The following TEK variants were observed in gnomAD, a reference collection of about 807,000 sequenced individuals.
TEK encodes the protein angiopoietin-1 receptor.
TEK carries 43 observed loss-of-function variants against 131.8 expected under a neutral mutation model. The observed-to-expected ratio is 0.33, with a 90% CI of 0.26 to 0.42. The LOEUF (loss-of-function observed/expected upper bound fraction) is 0.42. Among genes scored for constraint, TEK ranks in the 10% least tolerant of loss-of-function variants. TEK has a pLI of 1.00. For missense variants in TEK, 1,162 were observed against 1,384.4 expected (o/e 0.84, Z 2.55); for synonymous variants, 580 against 491.6 (o/e 1.18, Z -2.38).
intron 1 of TEK, among the ~76,000 whole-genome samples, chr9:27,130,563 A>G (rs1473165888): frequency 6.6e-6 from 1 of 152,100 alleles, no homozygotes; most frequent in Non-Finnish European, 1.5e-5. Context: ...AAGAATAATA[A>G]AAGGCAAAGA....
chr9:27,179,946 G>C (rs1459967294), intron 6 of TEK, among the ~76,000 whole-genome samples: 1 of 152,110 alleles, frequency 6.6e-6, no homozygotes, highest in East Asian at 1.9e-4. Flanking sequence ...TTCCCCTCCA[G>C]AATCTTCCAG....
intron 14 of TEK, 120 bp downstream of exon 14, chr9:27,205,185 T>A: frequency 1.6e-6 from 2 of 1,267,438 alleles, no homozygotes; most frequent in Non-Finnish European, 2.2e-6. Context: ...TAGGCAAGCC[T>A]CATCTTCTCT....
At chr9:27,228,664 C>T (rs1826433665) in intron 22 of TEK, among the ~76,000 whole-genome samples, 1 of 152,126 alleles carries the variant, frequency 6.6e-6, no homozygotes, top group Non-Finnish European at 1.5e-5. Context: ...CAGAGCCTGA[C>T]CTGCAGGTTA....
intron 4 of TEK, among the ~76,000 whole-genome samples, chr9:27,171,210 A>C (rs550621398): frequency 6.6e-6 from 1 of 152,210 alleles, no homozygotes; most frequent in Non-Finnish European, 1.5e-5. Flanking sequence ...AATAGAAAGA[A>C]AATGATTTGC....
intron 21 of TEK, among the ~76,000 whole-genome samples, chr9:27,220,788 A>G (rs1826033310): frequency 6.6e-6 from 1 of 152,200 alleles, no homozygotes; most frequent in South Asian, 2.1e-4. Context: ...CAACCTGCAG[A>G]CCAGGAGATT....
At chr9:27,206,398 C>A (rs548823339) in intron 14 of TEK, among the ~76,000 whole-genome samples, 184 bp from the exon 15 acceptor site, 3 of 152,352 alleles carry the variant, frequency 2.0e-5, no homozygotes, top group African/African-American at 7.2e-5. Flanking sequence ...TGTGCCCGTG[C>A]AGCCCTGTGG....
intron 1 of TEK, among the ~76,000 whole-genome samples, chr9:27,148,239 A>G (rs1259284535): frequency 6.6e-6 from 1 of 152,042 alleles, no homozygotes; most frequent in Non-Finnish European, 1.5e-5. Context: ...AGATATTATG[A>G]CCCTCTCCAT....
Position 27,169,516 on chromosome 9 carries a change from A to G in TEK, c.515A>G (p.Asp172Gly). The G allele has an allele frequency of 1.2e-6, 2 of 1,614,102 alleles. No individual in the cohort carries two copies. The highest frequency in any genetic ancestry group is 1.7e-6 in the Non-Finnish European group (2 of 1,179,988). Reference protein sequence around the residue: ...IHSVPRHEVPDILEVHLPHAQ... With the variant: ...IHSVPRHEVPGILEVHLPHAQ... ...TCAGTGCCCCGGCATGAAGTACCTGATATTCTAGAAGTACACCTGCCTCAT... is the reference window on the plus strand; with the variant it reads ...TCAGTGCCCCGGCATGAAGTACCTGGTATTCTAGAAGTACACCTGCCTCAT... Residue 172 changes from aspartate to glycine, a missense_variant, in exon 4 of 23, where the codon GAT (aspartate) becomes GGT (glycine). This residue lies in a region of TEK where 436 missense variants were observed against 539.1 expected (regional missense o/e 0.81). Coordinates refer to ENST00000380036, the MANE Select transcript of TEK (RefSeq NM_000459.5).
intron 2 of TEK, among the ~76,000 whole-genome samples, chr9:27,161,539 C>G (rs552365212): frequency 6.6e-6 from 1 of 152,156 alleles, no homozygotes; most frequent in Non-Finnish European, 1.5e-5. Context: ...CATTTGATGC[C>G]GAGTGATCTG....
At chr9:27,145,832 A>G (rs1443592390) in intron 1 of TEK, among the ~76,000 whole-genome samples, 1 of 152,228 alleles carries the variant, frequency 6.6e-6, no homozygotes, top group Non-Finnish European at 1.5e-5. Context: ...TCAATATTTA[A>G]TTAGAACAAT....
intron 21 of TEK, among the ~76,000 whole-genome samples, chr9:27,223,432 G>A (rs1348340867): frequency 6.6e-6 from 1 of 152,158 alleles, no homozygotes; most frequent in East Asian, 1.9e-4. Context: ...AGACCACAGT[G>A]CAATCAAAGT....
intron 6 of TEK, among the ~76,000 whole-genome samples, chr9:27,177,137 A>G (rs925669765): frequency 2.0e-5 from 3 of 152,200 alleles, no homozygotes; most frequent in Non-Finnish European, 2.9e-5. Flanking sequence ...ACTGTAAGCA[A>G]TGCTGCAATG....
chr9:27,146,837 C>T (rs1462537314), intron 1 of TEK, among the ~76,000 whole-genome samples: 1 of 149,834 alleles, frequency 6.7e-6, no homozygotes. Context: ...TCACGCCATT[C>T]TCCTGCCTCA....
intron 1 of TEK, among the ~76,000 whole-genome samples, chr9:27,122,471 C>T (rs1821829033): frequency 6.6e-6 from 1 of 152,084 alleles, no homozygotes; most frequent in African/African-American, 2.4e-5. Flanking sequence ...TTTGCGGCTA[C>T]ACAATGGGTT....
At chr9:27,111,738 T>TTCTA (rs74178374) in intron 1 of TEK, among the ~76,000 whole-genome samples, 143,021 of 151,940 alleles carry the variant, frequency 0.94, 67,840 homozygotes, top group East Asian at 1. Flanking sequence ...TTCCCTACTC[T>TTCTA]TCCTCATAAA....
chr9:27,206,748 A>G lies in TEK; in HGVS notation c.2531A>G (p.Lys844Arg), dbSNP rs1291186227. The G allele has an allele frequency of 1.9e-6, 3 of 1,614,002 alleles. No homozygotes were observed. Among genetic ancestry groups the G allele is most frequent in the Non-Finnish European group, 2.5e-6 (3 of 1,180,000 alleles). The change falls in exon 15 of 23, where the codon AAG (lysine) becomes AGG (arginine). Residue 844 changes from lysine (K) to arginine (R), a missense_variant. Around this residue, in one of 6 missense-constraint regions of TEK, gnomAD observed 57 missense variants for 100.8 expected, o/e 0.57. Coordinates refer to ENST00000380036, the MANE Select transcript of TEK (RefSeq NM_000459.5). The stretch of plus-strand genomic sequence containing the variant: ...GGCCAAGTTCTTAAGGCGCGCATCA[A>G]GAAGGATGGGTTACGGATGGATGCT... Reference protein sequence around the residue: ...NFGQVLKARIKKDGLRMDAAI... With the variant: ...NFGQVLKARIRKDGLRMDAAI...
chr9:27,223,709 T>C (rs1016697097), intron 21 of TEK, among the ~76,000 whole-genome samples: 2 of 152,066 alleles, frequency 1.3e-5, no homozygotes, highest in Non-Finnish European at 2.9e-5. Flanking sequence ...TTAAAAGAAC[T>C]AGAGAAGCAA....
At chr9:27,213,624 G>C (rs374442775) in intron 18 of TEK, 27 bp downstream of exon 18, 9 of 1,550,754 alleles carry the variant, frequency 5.8e-6, no homozygotes, top group Non-Finnish European at 8.0e-6. Context: ...GACACTGATC[G>C]CATCCTTTCC....
intron 1 of TEK, among the ~76,000 whole-genome samples, chr9:27,154,760 G>A (rs1285627893): frequency 6.6e-6 from 1 of 152,190 alleles, no homozygotes; most frequent in Admixed American, 6.5e-5. Flanking sequence ...ACAGAGTACT[G>A]GCTGGTGGAA....
Sources: gnomAD v4.1 joint callset for allele counts (sites outside exome capture counted in the v4.1 genomes callset) on GRCh38, gnomAD v4.1.1 for gene constraint, gnomAD v4.1.1 regional missense constraint, MANE v1.5 for transcripts, NCBI Gene and HGNC (gene_info 2026-07-23, HGNC 2026-07-21) for gene names.